The following KCNMA1 variants were observed in gnomAD, a reference collection of about 807,000 sequenced individuals.
KCNMA1 encodes the protein potassium calcium-activated channel subfamily M alpha 1.
In KCNMA1, 29 loss-of-function variants were observed where a neutral mutation model predicts 140.0. The ratio of observed to expected loss-of-function variants is 0.21; its 90% confidence interval spans 0.15 to 0.28. KCNMA1 has a LOEUF of 0.28. Ranked by LOEUF, KCNMA1 falls within the 10% of genes least tolerant of loss-of-function variation. The pLI is 1.00. For missense variants in KCNMA1, 880 were observed against 1,602.2 expected, an observed-to-expected ratio of 0.55 and a Z score of 7.70; for synonymous variants, 612 against 611.9, an observed-to-expected ratio of 1.00 and a Z score of 0.00.
At chr10:77,471,589 C>A (rs1353099501) in intron 1 of KCNMA1, among the ~76,000 whole-genome samples, 1 of 148,172 alleles carries the variant, frequency 6.7e-6, no homozygotes, top group African/African-American at 2.5e-5. Flanking sequence ...TACCACAGGT[C>A]ACACACACAC....
intron 2 of KCNMA1, among the ~76,000 whole-genome samples, chr10:77,393,899 G>A (rs1389252778): frequency 3.9e-5 from 6 of 152,250 alleles, no homozygotes; most frequent in Non-Finnish European, 7.3e-5. Context: ...AGGACCGGCA[G>A]AAGCAGGCCG....
intron 2 of KCNMA1, among the ~76,000 whole-genome samples, chr10:77,282,857 CA>C: frequency 6.6e-6 from 1 of 152,228 alleles, no homozygotes; most frequent in East Asian, 1.9e-4. Context: ...AACAAACAAT[CA>C]AAACAGAATT....
intron 1 of KCNMA1, among the ~76,000 whole-genome samples, chr10:77,627,530 G>A (rs569043142): frequency 1.3e-5 from 2 of 152,164 alleles, no homozygotes; most frequent in Non-Finnish European, 2.9e-5. Context: ...TCAGGAGGAC[G>A]AAGAACCCAG....
chr10:77,283,693 T>C (rs1014751295), intron 2 of KCNMA1, among the ~76,000 whole-genome samples: 2 of 152,230 alleles, frequency 1.3e-5, no homozygotes, highest in African/African-American at 4.8e-5. Flanking sequence ...ATACTGCAGA[T>C]ACTTAATGGA....
intron 14 of KCNMA1, among the ~76,000 whole-genome samples, chr10:77,065,318 G>T (rs911348408): frequency 6.6e-6 from 1 of 152,102 alleles, no homozygotes; most frequent in Non-Finnish European, 1.5e-5. Context: ...GGGGGAGGGG[G>T]TGCAGATTCC....
chr10:77,502,090 C>A (rs758595543), intron 1 of KCNMA1, among the ~76,000 whole-genome samples: 3 of 152,114 alleles, frequency 2.0e-5, no homozygotes, highest in African/African-American at 7.2e-5. Flanking sequence ...CAAGGTCACA[C>A]AACATAAAAA....
chr10:77,482,991 TACACACACACA>T (rs2098416935), intron 1 of KCNMA1, among the ~76,000 whole-genome samples: 2 of 126,750 alleles, frequency 1.6e-5, no homozygotes, highest in African/African-American at 6.2e-5. Flanking sequence ...CTCTCTCACA[TACACACACACA>T]CACACACACA....
chr10:77,417,991 C>A (rs1023431563), intron 1 of KCNMA1, among the ~76,000 whole-genome samples: 4 of 152,186 alleles, frequency 2.6e-5, no homozygotes, highest in Non-Finnish European at 5.9e-5. Context: ...GACTCTGCCT[C>A]TGACCTCACC....
chr10:77,121,070 A>G, intron 5 of KCNMA1, 22 bp from the exon 6 acceptor site: 1 of 1,390,090 alleles, frequency 7.2e-7, no homozygotes, highest in Admixed American at 1.7e-5. Flanking sequence ...AATGAAATAG[A>G]GATGCATTAT....
intron 4 of KCNMA1, 81 bp downstream of exon 4, chr10:77,184,742 A>G: frequency 1.1e-6 from 1 of 897,356 alleles, no homozygotes; most frequent in Non-Finnish European, 1.9e-6. Context: ...TGACTGCGAG[A>G]GCAGAGGCTG....
chr10:77,014,409 G>C (rs559916017), intron 17 of KCNMA1, among the ~76,000 whole-genome samples: 16 of 150,530 alleles, frequency 1.1e-4, no homozygotes, highest in Non-Finnish European at 1.6e-4. Flanking sequence ...CTGGGAGCCT[G>C]GGCAATAGAG....
chr10:77,378,179 C>T (rs566082630), intron 2 of KCNMA1, among the ~76,000 whole-genome samples: 10 of 152,046 alleles, frequency 6.6e-5, no homozygotes, highest in South Asian at 2.1e-4. Context: ...GCCACCGAGC[C>T]GACAGGCCAT....
At chr10:77,260,462 A>G (rs1039225956) in intron 2 of KCNMA1, among the ~76,000 whole-genome samples, 2 of 152,188 alleles carry the variant, frequency 1.3e-5, no homozygotes, top group Non-Finnish European at 2.9e-5. Context: ...TAATCCCAGT[A>G]CTTTGGGAGG....
chr10:77,340,233 G>A (rs762480538), intron 2 of KCNMA1, among the ~76,000 whole-genome samples: 151 of 152,328 alleles, frequency 9.9e-4, no homozygotes, highest in Middle Eastern at 3.4e-3. Flanking sequence ...AGAGGATGTG[G>A]AGAAATAGGA....
At chr10:77,379,780 G>A (rs2095315652) in intron 2 of KCNMA1, among the ~76,000 whole-genome samples, 1 of 151,982 alleles carries the variant, frequency 6.6e-6, no homozygotes, top group Non-Finnish European at 1.5e-5. Context: ...CAGCTCATGG[G>A]CCAGCAGCTC....
chr10:77,224,593 A>T (rs1158947170), intron 3 of KCNMA1, among the ~76,000 whole-genome samples: 3 of 152,132 alleles, frequency 2.0e-5, no homozygotes, highest in African/African-American at 7.2e-5. Context: ...CCACTCAGGC[A>T]CCAGCTCCTT....
chr10:77,551,013 G>A (rs573043435), intron 1 of KCNMA1, among the ~76,000 whole-genome samples: 1 of 152,178 alleles, frequency 6.6e-6, no homozygotes, highest in South Asian at 2.1e-4. Context: ...TTATTTTTTT[G>A]TAGAAACAGG....
intron 1 of KCNMA1, among the ~76,000 whole-genome samples, chr10:77,614,566 C>T (rs1210993164): frequency 6.6e-6 from 1 of 152,118 alleles, no homozygotes; most frequent in African/African-American, 2.4e-5. Context: ...GGATACATCA[C>T]AAAAATGGGA....
At chr10:77,429,388 C>T (rs2097099388) in intron 1 of KCNMA1, among the ~76,000 whole-genome samples, 1 of 152,194 alleles carries the variant, frequency 6.6e-6, no homozygotes, top group Non-Finnish European at 1.5e-5. Context: ...TAGCTATTCT[C>T]CTCCATTCCA....
Sources: allele counts gnomAD v4.1 joint callset (sites outside exome capture counted in the v4.1 genomes callset), GRCh38; gene constraint gnomAD v4.1.1; transcripts MANE v1.5; gene names NCBI Gene and HGNC (gene_info 2026-07-23, HGNC 2026-07-21).